The following NKAIN2 variants were observed in gnomAD, a reference collection of about 807,000 sequenced individuals.
The protein encoded by NKAIN2 is sodium/potassium transporting ATPase interacting 2.
NKAIN2 carries 14 observed loss-of-function variants against 32.6 expected under a neutral mutation model. The ratio of observed to expected loss-of-function variants is 0.43; its 90% CI spans 0.28 to 0.67. NKAIN2 has a LOEUF of 0.67. NKAIN2 is among the 30% of genes least tolerant of loss of function. NKAIN2 has a pLI of 0.17. For missense variants in NKAIN2, 198 were observed against 258.3 expected (o/e 0.77, Z 1.60); for synonymous variants, 80 against 87.2 (o/e 0.92, Z 0.46).
intron 5 of NKAIN2, among the ~76,000 whole-genome samples, chr6:124,799,605 A>G (rs1429710261): frequency 6.6e-6 from 1 of 152,200 alleles, no homozygotes; most frequent in Non-Finnish European, 1.5e-5. Flanking sequence ...ACAACACAAT[A>G]TAGAGGTAAC....
chr6:124,479,589 C>T (rs907799087), intron 3 of NKAIN2, among the ~76,000 whole-genome samples: 1 of 152,142 alleles, frequency 6.6e-6, no homozygotes, highest in Admixed American at 6.5e-5. Flanking sequence ...AAAGCTGTAA[C>T]ATTTTAAGTT....
rs75481961 is a variant in NKAIN2 at position 124,449,384 on chromosome 6, C to T, written c.273+94037C>T. On this transcript the variant is annotated intron_variant, in intron 3 of 6. Coordinates refer to ENST00000368417, the MANE Select transcript of NKAIN2 (RefSeq NM_001040214.3). ...GGGCAAAAACATGCACCAGCCTGAG[C>T]TCAGGATACCTTTCAAATGTAACCA... Among the ~76,000 whole-genome samples, 327 of 152,140 alleles carry T rather than the reference C, an allele frequency of 2.1e-3. 8 individuals carry two copies. In the East Asian group the frequency reaches 0.057, roughly 26 times the overall value.
At chr6:124,613,654 C>G (rs1420714661) in intron 3 of NKAIN2, among the ~76,000 whole-genome samples, 1 of 152,142 alleles carries the variant, frequency 6.6e-6, no homozygotes, top group Non-Finnish European at 1.5e-5. Flanking sequence ...AGCAGAGGGT[C>G]AAATTTACAG....
chr6:124,581,785 A>G (rs1187535126), intron 3 of NKAIN2, among the ~76,000 whole-genome samples: 2 of 152,224 alleles, frequency 1.3e-5, no homozygotes, highest in Non-Finnish European at 2.9e-5. Flanking sequence ...AATTAAGCAG[A>G]TAATTGTAAA....
At chr6:124,507,389 C>T (rs919821570) in intron 3 of NKAIN2, among the ~76,000 whole-genome samples, 16 of 152,140 alleles carry the variant, frequency 1.1e-4, no homozygotes, top group African/African-American at 3.9e-4. Flanking sequence ...ATTTCTATTA[C>T]AGAGCTTTAG....
chr6:123,920,886 A>G (rs1311196366), intron 1 of NKAIN2, among the ~76,000 whole-genome samples: 2 of 152,222 alleles, frequency 1.3e-5, no homozygotes, highest in African/African-American at 4.8e-5. Context: ...AGACAAGAAT[A>G]CGTGCATACA....
chr6:124,008,442 T>C (rs976881966), intron 1 of NKAIN2, among the ~76,000 whole-genome samples: 39 of 152,122 alleles, frequency 2.6e-4, no homozygotes, highest in Admixed American at 1.3e-4. Flanking sequence ...TCCATAAGTA[T>C]GTGCAAGTGC....
At chr6:124,726,466 A>C (rs145550503) in intron 4 of NKAIN2, among the ~76,000 whole-genome samples, 4 of 151,996 alleles carry the variant, frequency 2.6e-5, no homozygotes, top group East Asian at 1.9e-4. Flanking sequence ...CTCACACGGC[A>C]GGGTATTCCA....
chr6:124,090,174 G>C (rs2114925998), intron 1 of NKAIN2, among the ~76,000 whole-genome samples: 1 of 152,144 alleles, frequency 6.6e-6, no homozygotes, highest in Middle Eastern at 3.4e-3. Flanking sequence ...TGTTTTAGAA[G>C]AGTGTTTTAG....
chr6:124,615,531 C>G (rs542541834), intron 3 of NKAIN2, among the ~76,000 whole-genome samples: 1 of 152,218 alleles, frequency 6.6e-6, no homozygotes, highest in African/African-American at 2.4e-5. Flanking sequence ...AACAAGCAAC[C>G]AAAATCAGTC....
At chr6:124,595,998 C>T (rs569448767) in intron 3 of NKAIN2, among the ~76,000 whole-genome samples, 35 of 152,144 alleles carry the variant, frequency 2.3e-4, no homozygotes, top group Non-Finnish European at 4.6e-4. Context: ...TGCCGAAGAG[C>T]GACTCTCCTC....
intron 3 of NKAIN2, among the ~76,000 whole-genome samples, chr6:124,647,174 C>G (rs1258634257): frequency 6.6e-6 from 1 of 151,480 alleles, no homozygotes; most frequent in South Asian, 2.1e-4. Context: ...GTAATTATCC[C>G]TGAAGAAGAA....
chr6:124,340,711 G>A (rs377099901), intron 2 of NKAIN2, among the ~76,000 whole-genome samples: 39 of 152,204 alleles, frequency 2.6e-4, no homozygotes, highest in Middle Eastern at 3.4e-3. Context: ...CAGTTTTTAT[G>A]TTTTGTTAAC....
chr6:124,142,374 AT>A (rs541983953), intron 1 of NKAIN2, among the ~76,000 whole-genome samples: 20 of 152,308 alleles, frequency 1.3e-4, no homozygotes, highest in African/African-American at 4.1e-4. Context: ...AAAACAAAAC[AT>A]TTTTTATCTC....
chr6:124,387,610 G>T (rs770637473), intron 3 of NKAIN2, among the ~76,000 whole-genome samples: 1 of 152,044 alleles, frequency 6.6e-6, no homozygotes, highest in Non-Finnish European at 1.5e-5. Flanking sequence ...TTTGTGTATA[G>T]CTTTTGTGTT....
At chr6:124,474,687 G>T (rs1291575127) in intron 3 of NKAIN2, among the ~76,000 whole-genome samples, 1 of 151,414 alleles carries the variant, frequency 6.6e-6, no homozygotes, top group Admixed American at 6.6e-5. Context: ...TATAAATTTT[G>T]TCAGTAACTA....
intron 1 of NKAIN2, among the ~76,000 whole-genome samples, chr6:124,104,769 C>T (rs1368098134): frequency 6.6e-6 from 1 of 152,208 alleles, no homozygotes; most frequent in Non-Finnish European, 1.5e-5. Context: ...CTACTCAGTT[C>T]TATAGTTACT....
intron 1 of NKAIN2, among the ~76,000 whole-genome samples, chr6:123,836,887 C>T (rs1260890302): frequency 2.0e-5 from 3 of 152,018 alleles, no homozygotes; most frequent in Admixed American, 6.6e-5. Context: ...ATTATGAGTA[C>T]CTCAAAACAC....
At chr6:124,437,204 G>A (rs932297090) in intron 3 of NKAIN2, among the ~76,000 whole-genome samples, 5 of 152,090 alleles carry the variant, frequency 3.3e-5, no homozygotes, top group Non-Finnish European at 7.4e-5. Flanking sequence ...TATAACTAAT[G>A]TATTAAGATG....
Sources: allele counts gnomAD v4.1 joint callset (sites outside exome capture counted in the v4.1 genomes callset), GRCh38; gene constraint gnomAD v4.1.1; transcripts MANE v1.5; gene names NCBI Gene and HGNC (gene_info 2026-07-23, HGNC 2026-07-21).